Variants in ANO3 observed in about 807,000 individuals in gnomAD.
ANO3 encodes the protein anoctamin 3, also known as anoctamin-3.
In ANO3, 99 loss-of-function variants were observed where a neutral mutation model predicts 144.8. The ratio of observed to expected loss-of-function variants is 0.68; its 90% CI spans 0.58 to 0.81. The LOEUF (loss-of-function observed/expected upper bound fraction) is 0.81. Among genes scored for constraint, ANO3 ranks in the 30% least tolerant of loss-of-function variants. ANO3 has a pLI of 0.00. For missense variants in ANO3, 905 were observed against 1,202.2 expected (o/e 0.75, Z 3.66); for synonymous variants, 414 against 392.6 (o/e 1.05, Z -0.64).
chr11:26,642,342 C>CTTTTTTTTTTTTTTTTTTTTTTTT (rs576729432), intron 22 of ANO3, among the ~76,000 whole-genome samples: 2 of 93,068 alleles, frequency 2.1e-5, no homozygotes, highest in African/African-American at 4.2e-5. Flanking sequence ...TTCTTTCTTT[C>CTTTTTTTTTTTTTTTTTTTTTTTT]TTTTTTTTTT....
chr11:26,581,275 A>C (rs899975682), intron 14 of ANO3, among the ~76,000 whole-genome samples: 3 of 150,522 alleles, frequency 2.0e-5, no homozygotes, highest in Non-Finnish European at 4.4e-5. Context: ...AGTAAATGCC[A>C]GTTCTCTTCT....
At chr11:26,275,559 A>G (rs1853539853) in intron 1 of ANO3, among the ~76,000 whole-genome samples, 1 of 152,156 alleles carries the variant, frequency 6.6e-6, no homozygotes. Context: ...CCAAATGGAA[A>G]AACCATGAGG....
intron 6 of ANO3, among the ~76,000 whole-genome samples, 197 bp downstream of exon 6, chr11:26,517,124 T>A (rs1861893435): frequency 6.6e-6 from 1 of 151,966 alleles, no homozygotes; most frequent in African/African-American, 2.4e-5. Context: ...TCCTGGACAC[T>A]ATGTCATTTC....
chr11:26,428,098 C>G (rs530052127), intron 1 of ANO3, among the ~76,000 whole-genome samples: 12 of 152,138 alleles, frequency 7.9e-5, no homozygotes, highest in Admixed American at 3.3e-4. Flanking sequence ...TCCTTGAATC[C>G]TATAAAAGTT....
chr11:26,548,945 G>T (rs1849858551), intron 12 of ANO3, among the ~76,000 whole-genome samples: 1 of 31,114 alleles, frequency 3.2e-5, no homozygotes, highest in South Asian at 1.3e-3. Flanking sequence ...GAGTTACAAT[G>T]AATTGGAAAA....
At position 26,536,605 on chromosome 11, in the gene ANO3, A is replaced by C. The variant is rs1372354579; in HGVS notation, c.977-801A>C. Among the ~76,000 whole-genome samples the C allele has an allele frequency of 8.5e-5, 13 of 152,108 alleles. No homozygotes were observed. In the East Asian group the frequency reaches 2.5e-3, roughly 29 times the overall value. ...ATAAATTAGATGTCTTAGCGTTTAT[A>C]ATTTTCAGGTTTTTAAAAAATTACC... On this transcript the variant is annotated intron_variant, in intron 9 of 26. Coordinates refer to ENST00000256737, the MANE Select transcript of ANO3 (RefSeq NM_031418.4).
intron 17 of ANO3, among the ~76,000 whole-genome samples, chr11:26,602,803 C>A (rs768043222): frequency 6.6e-6 from 1 of 151,752 alleles, no homozygotes; most frequent in Non-Finnish European, 1.5e-5. Context: ...TTTCTTCTAT[C>A]TAATTATAAT....
chr11:26,305,107 T>C (rs975497826), upstream of ANO3, among the ~76,000 whole-genome samples: 1 of 151,758 alleles, frequency 6.6e-6, no homozygotes, highest in Non-Finnish European at 1.5e-5. Context: ...TCCAATTAGA[T>C]GTTTATGAAT....
At chr11:26,277,003 C>A (rs1853573180) in intron 1 of ANO3, among the ~76,000 whole-genome samples, 2 of 152,058 alleles carry the variant, frequency 1.3e-5, no homozygotes, top group Non-Finnish European at 2.9e-5. Context: ...AATCACAGCA[C>A]GCGGTAAGCT....
intron 1 of ANO3, among the ~76,000 whole-genome samples, chr11:26,289,485 C>T (rs1012396464): frequency 6.8e-6 from 1 of 147,404 alleles, no homozygotes; most frequent in East Asian, 2.0e-4. Context: ...TTTTCATATA[C>T]ATTATTACCT....
chr11:26,325,812 G>A (rs2133882790), intron 1 of ANO3, among the ~76,000 whole-genome samples: 1 of 152,280 alleles, frequency 6.6e-6, no homozygotes, highest in South Asian at 2.1e-4. Flanking sequence ...TATTTCTGAA[G>A]CCAGAGTGCG....
chr11:26,324,408 C>G (rs1391433741), intron 1 of ANO3, among the ~76,000 whole-genome samples: 1 of 152,122 alleles, frequency 6.6e-6, no homozygotes, highest in Non-Finnish European at 1.5e-5. Context: ...CTGAGACCCT[C>G]AGCAAGAAGT....
At chr11:26,540,554 G>T (rs1052753751) in intron 10 of ANO3, among the ~76,000 whole-genome samples, 1 of 151,736 alleles carries the variant, frequency 6.6e-6, no homozygotes, top group African/African-American at 2.4e-5. Flanking sequence ...GCAATCTATT[G>T]ATCTGGGCTA....
intron 1 of ANO3, among the ~76,000 whole-genome samples, chr11:26,300,855 C>CTTTTTTTTTTTTTTTTTTTTTTTTTTT (rs376885670): frequency 7.7e-6 from 1 of 129,074 alleles, no homozygotes. Context: ...TCTTTTTTTT[C>CTTTTTTTTTTTTTTTTTTTTTTTTTTT]TTTTTTTTTT....
chr11:26,249,886 A>T (rs1852887550), intron 1 of ANO3, among the ~76,000 whole-genome samples: 2 of 152,256 alleles, frequency 1.3e-5, no homozygotes, highest in South Asian at 2.1e-4. Flanking sequence ...GTTCCCTTCC[A>T]TACACTGTCG....
intron 17 of ANO3, among the ~76,000 whole-genome samples, chr11:26,615,789 T>G (rs1215310885): frequency 6.6e-6 from 1 of 152,196 alleles, no homozygotes; most frequent in Non-Finnish European, 1.5e-5. Flanking sequence ...TTATTTCCCT[T>G]CATTTCAAGG....
chr11:26,411,880 T>TTA (rs1001258377), intron 1 of ANO3, among the ~76,000 whole-genome samples: 6 of 152,148 alleles, frequency 3.9e-5, no homozygotes, highest in African/African-American at 1.4e-4. Flanking sequence ...ACTCTAAATG[T>TTA]TATAACTCCA....
rs529523113 is a variant in ANO3 at position 26,478,127 on chromosome 11, C to G, written c.432+14979C>G. On this transcript the variant is annotated intron_variant, in intron 4 of 26. Coordinates refer to ENST00000256737, the MANE Select transcript of ANO3 (RefSeq NM_031418.4). ...GGGAATATAAAATTGTATTTCTCGC[C>G]CCAGGGAAACACTATATTGAGAGTA... Among the ~76,000 whole-genome samples, 192 of 152,158 alleles carry G rather than the reference C, an allele frequency of 1.3e-3. 1 individual carries two copies. In the Middle Eastern group the frequency reaches 0.014, roughly 11 times the overall value.
upstream of ANO3, among the ~76,000 whole-genome samples, chr11:26,329,788 G>A (rs1854989382): frequency 6.6e-6 from 1 of 151,382 alleles, no homozygotes; most frequent in Admixed American, 6.6e-5. Flanking sequence ...CCTGTGCCTA[G>A]AAATGTGGAA....
Sources: allele counts gnomAD v4.1 joint callset (sites outside exome capture counted in the v4.1 genomes callset), GRCh38; gene constraint gnomAD v4.1.1; transcripts MANE v1.5; gene names NCBI Gene and HGNC (gene_info 2026-07-23, HGNC 2026-07-21).